ARHGEF3: variants seen among roughly 807,000 people sequenced by gnomAD.
ARHGEF3 encodes the protein Rho guanine nucleotide exchange factor 3.
Under a neutral mutation model 63.2 loss-of-function variants are expected in ARHGEF3, and 28 were observed. That is an observed-to-expected ratio of 0.44 (90% confidence interval 0.33 to 0.61). ARHGEF3 has a LOEUF of 0.61. ARHGEF3 is among the 20% of genes least tolerant of loss of function. ARHGEF3 has a pLI of 0.03. For synonymous variants in ARHGEF3, 266 were observed against 254.2 expected (o/e 1.05, Z -0.44); for missense variants, 533 against 659.3 (o/e 0.81, Z 2.10).
chr3:56,739,962 C>T (rs1290993816), intron 7 of ARHGEF3, among the ~76,000 whole-genome samples: 9 of 151,190 alleles, frequency 6.0e-5, no homozygotes, highest in Non-Finnish European at 1.0e-4. Context: ...TGCAATGGCA[C>T]GATCTTGGCT....
intron 4 of ARHGEF3, among the ~76,000 whole-genome samples, chr3:56,876,166 C>T (rs1189355806): frequency 6.6e-6 from 1 of 152,116 alleles, no homozygotes; most frequent in African/African-American, 2.4e-5. Flanking sequence ...GAAAGAAAAC[C>T]AGCATGGTTG....
chr3:56,959,702 G>A (rs1352845611), intron 2 of ARHGEF3, among the ~76,000 whole-genome samples: 2 of 152,208 alleles, frequency 1.3e-5, no homozygotes, highest in Non-Finnish European at 2.9e-5. Context: ...GGCTGGCCAG[G>A]TGCGGTGGCT....
At position 56,927,125 on chromosome 3, in the gene ARHGEF3, C is replaced by T. The variant is rs142961146; in HGVS notation, c.129+31698G>A. Among the ~76,000 whole-genome samples, 338 of 152,324 alleles carry T rather than the reference C, an allele frequency of 2.2e-3. 1 individual carries two copies. Among genetic ancestry groups the T allele is most frequent in the African/African-American group, 7.6e-3 (318 of 41,572 alleles). On this transcript the variant is annotated intron_variant, in intron 3 of 12. Coordinates refer to the ARHGEF3 transcript ENST00000338458. ...CAGTGCTGTCACTTAATGCGTGACCCCTGATCATTTACTTAACTTCCCTGT... is the reference window on the plus strand; with the variant it reads ...CAGTGCTGTCACTTAATGCGTGACCTCTGATCATTTACTTAACTTCCCTGT...
upstream of ARHGEF3, chr3:56,802,004 AG>A (rs998229200): frequency 2.1e-5 from 12 of 564,000 alleles, no homozygotes; most frequent in African/African-American, 2.0e-4. Flanking sequence ...ATGGGTGGGG[AG>A]GGGGCGGGCC....
At chr3:57,016,160 T>C (rs766344268) in intron 2 of ARHGEF3, among the ~76,000 whole-genome samples, 4 of 152,168 alleles carry the variant, frequency 2.6e-5, no homozygotes, top group Non-Finnish European at 5.9e-5. Flanking sequence ...ATCCAATTTA[T>C]GTATTTCGTG....
At chr3:57,064,868 A>G (rs1327285614) in intron 1 of ARHGEF3, among the ~76,000 whole-genome samples, 3 of 152,250 alleles carry the variant, frequency 2.0e-5, no homozygotes, top group Non-Finnish European at 1.5e-5. Flanking sequence ...TTGCACAATA[A>G]TATCAGTATA....
rs537281442 is a variant in ARHGEF3, at chr3:56,811,177, C to T, written c.193-37361G>A. ...CGAGTAAACTACCAAGTAAGCCACC[C>T]ACTAGGAGATGTGTTCTGGCTCTTG... On this transcript the variant is annotated intron_variant, in intron 4 of 12. Coordinates refer to the ARHGEF3 transcript ENST00000338458. 1.1e-4 allele frequency among the ~76,000 whole-genome samples: 17 copies of T among 152,304 alleles called. 1 individual carries two copies. The East Asian group carries it at 3.1e-3, about 28-fold the overall frequency.
chr3:56,855,163 T>G (rs1578683762), intron 4 of ARHGEF3, among the ~76,000 whole-genome samples: 1 of 148,302 alleles, frequency 6.7e-6, no homozygotes, highest in African/African-American at 2.5e-5. Context: ...GGGAGAGAGG[T>G]GAGGGGCAGG....
At chr3:56,767,137 T>G (rs1484786360) in intron 2 of ARHGEF3, among the ~76,000 whole-genome samples, 4 of 150,442 alleles carry the variant, frequency 2.7e-5, no homozygotes, top group Admixed American at 6.6e-5. Flanking sequence ...TAGGGAGATT[T>G]TTGTCTCTAT....
At chr3:56,817,803 A>G (rs2038326913) in intron 4 of ARHGEF3, among the ~76,000 whole-genome samples, 1 of 152,172 alleles carries the variant, frequency 6.6e-6, no homozygotes, top group Admixed American at 6.5e-5. Context: ...CTTAACCACA[A>G]AGCTACACCC....
At chr3:57,038,669 T>C (rs1704056937) in intron 1 of ARHGEF3, among the ~76,000 whole-genome samples, 1 of 152,180 alleles carries the variant, frequency 6.6e-6, no homozygotes, top group African/African-American at 2.4e-5. Context: ...GGTCTCTAAT[T>C]CCTGGCCTCA....
chr3:56,906,836 CAAA>C (rs573382270), intron 3 of ARHGEF3, among the ~76,000 whole-genome samples: 1 of 96,778 alleles, frequency 1.0e-5, no homozygotes. Context: ...GACTCTGTCT[CAAA>C]AAAAAAAAAG....
At chr3:56,923,292 G>C (rs1197974001) in intron 3 of ARHGEF3, among the ~76,000 whole-genome samples, 6 of 151,112 alleles carry the variant, frequency 4.0e-5, no homozygotes, top group African/African-American at 7.3e-5. Context: ...TTTTTGTATA[G>C]GTTTTAATTT....
At chr3:57,012,618 T>C (rs1374509563) in intron 2 of ARHGEF3, among the ~76,000 whole-genome samples, 3 of 152,216 alleles carry the variant, frequency 2.0e-5, no homozygotes, top group Admixed American at 2.0e-4. Context: ...GTAGAATGAT[T>C]ATCACCATTT....
Position 56,729,532 on chromosome 3 carries a change from C to T in ARHGEF3, c.1319G>A (p.Trp440Ter). 1 of 1,614,150 alleles carries T rather than the reference C, an allele frequency of 6.2e-7. No individual in the cohort carries two copies. The highest frequency in any genetic ancestry group is 8.5e-7 in the Non-Finnish European group (1 of 1,180,028). The change falls in exon 10 of 10, where the codon TGG (tryptophan) becomes TAG (stop). Residue 440 changes from tryptophan to a stop codon, truncating the protein, a stop_gained. Transcript: ENST00000296315. LOFTEE classifies it high-confidence loss of function. ...TTTGGCTTGACGAATACAGTTAAGC[C>T]ACTGCTGTTTGTTGAAAGTGTCATT... The part of the protein sequence containing the change: ...QANDTFNKQQ[W>*]LNCIRQAKET...
chr3:56,914,010 G>C (rs1412087658), intron 3 of ARHGEF3, among the ~76,000 whole-genome samples: 1 of 152,204 alleles, frequency 6.6e-6, no homozygotes, highest in South Asian at 2.1e-4. Flanking sequence ...ATTATTCTAA[G>C]TGAAGTAACT....
At chr3:56,905,966 G>A (rs1468951047) in intron 3 of ARHGEF3, among the ~76,000 whole-genome samples, 1 of 152,136 alleles carries the variant, frequency 6.6e-6, no homozygotes, top group African/African-American at 2.4e-5. Flanking sequence ...CAGGGTTCAA[G>A]CATTTCTTCT....
chr3:56,868,361 G>GTT (rs35860517), intron 4 of ARHGEF3, among the ~76,000 whole-genome samples: 3 of 140,564 alleles, frequency 2.1e-5, no homozygotes, highest in Non-Finnish European at 3.1e-5. Flanking sequence ...TTTTTTGTTT[G>GTT]TTTTTTTTTT....
At chr3:57,075,794 A>G (rs1560182280) in intron 1 of ARHGEF3, among the ~76,000 whole-genome samples, 1 of 152,234 alleles carries the variant, frequency 6.6e-6, no homozygotes, top group Non-Finnish European at 1.5e-5. Flanking sequence ...TGGGCAAGAA[A>G]GCAAGACCCT....
Sources: allele counts gnomAD v4.1 joint callset (sites outside exome capture counted in the v4.1 genomes callset), GRCh38; gene constraint gnomAD v4.1.1; transcripts MANE v1.5; gene names NCBI Gene and HGNC (gene_info 2026-07-23, HGNC 2026-07-21).